The following PAPPA variants were observed in gnomAD, a reference collection of about 807,000 sequenced individuals.
PAPPA encodes pappalysin-1.
In PAPPA, 60 loss-of-function variants were observed where a neutral mutation model predicts 164.0. That is an observed-to-expected ratio of 0.37 (90% CI 0.30 to 0.45). The LOEUF (loss-of-function observed/expected upper bound fraction) is 0.45, where lower values mean the gene tolerates loss of function less well. Ranked by LOEUF, PAPPA falls within the 20% of genes least tolerant of loss-of-function variation. The pLI, the probability that PAPPA is intolerant of heterozygous loss-of-function variation, is 1.00. For missense variants in PAPPA, 1,782 were observed against 2,087.3 expected, an observed-to-expected ratio of 0.85 and a Z score of 2.85; for synonymous variants, 875 against 814.1, an observed-to-expected ratio of 1.07 and a Z score of -1.27.
intron 6 of PAPPA, among the ~76,000 whole-genome samples, chr9:116,228,827 AG>A (rs1844549509): frequency 6.6e-6 from 1 of 152,084 alleles, no homozygotes. Flanking sequence ...CCAGTTTTTT[AG>A]GAAGTTCTCG....
chr9:116,323,116 T>C (rs918840995), intron 10 of PAPPA, among the ~76,000 whole-genome samples: 1 of 152,204 alleles, frequency 6.6e-6, no homozygotes, highest in African/African-American at 2.4e-5. Flanking sequence ...TGCCTTTGTG[T>C]ACATCGTGTG....
chr9:116,360,315 C>T (rs571601645), intron 17 of PAPPA, among the ~76,000 whole-genome samples: 2 of 152,288 alleles, frequency 1.3e-5, no homozygotes, highest in South Asian at 2.1e-4. Flanking sequence ...AAGTTTGCCA[C>T]GAGCCCCTAC....
chr9:116,278,654 G>GA (rs1554747062), intron 9 of PAPPA, among the ~76,000 whole-genome samples: 47 of 148,782 alleles, frequency 3.2e-4, no homozygotes, highest in Non-Finnish European at 5.8e-4. Context: ...TAGCCAAATC[G>GA]TTTTTTTTTT....
At position 116,302,795 on chromosome 9, in the gene PAPPA, G is replaced by T. The variant is rs750168710; in HGVS notation, c.2992G>T (p.Val998Leu). The T allele has an allele frequency of 1.2e-6, 2 of 1,613,924 alleles. No homozygotes were observed. The highest frequency in any genetic ancestry group is 2.2e-5 in the South Asian group (2 of 91,060). Residue 998 changes from valine to leucine, a missense_variant, in exon 10 of 22, where the codon GTA becomes TTA. Physicochemically the swap from Val to Leu is conservative, Grantham distance 32. This residue lies in a region of PAPPA where 1,324 missense variants were observed against 1,656.9 expected (regional missense o/e 0.80). Coordinates refer to ENST00000328252, the MANE Select transcript of PAPPA (RefSeq NM_002581.5). Reference sequence around the variant, plus strand: ...GTGCTATTTCCATGATGGTGATGGGGTATGTGAGGAGTTTGAACAAAAAAC... The same window carrying T: ...GTGCTATTTCCATGATGGTGATGGGTTATGTGAGGAGTTTGAACAAAAAAC... ...SRCYFHDGDG[V>L]CEEFEQKTSI...
chr9:116,227,594 C>G, intron 6 of PAPPA, 42 bp downstream of exon 6: 1 of 1,607,190 alleles, frequency 6.2e-7, no homozygotes, highest in South Asian at 1.1e-5. Context: ...GAGGAGTGTG[C>G]AAAGAACAGC....
At chr9:116,343,959 G>A (rs973564713) in intron 13 of PAPPA, among the ~76,000 whole-genome samples, 6 of 151,814 alleles carry the variant, frequency 4.0e-5, no homozygotes, top group East Asian at 1.9e-4. Context: ...GCAGAGGTGG[G>A]GTTTTACCAT....
chr9:116,298,715 T>C (rs1230952718), intron 9 of PAPPA, among the ~76,000 whole-genome samples: 3 of 152,194 alleles, frequency 2.0e-5, no homozygotes, highest in Admixed American at 6.5e-5. Flanking sequence ...GTATTATGTT[T>C]TCAGGATGTG....
chr9:116,176,413 G>C (rs1843835392), intron 1 of PAPPA, among the ~76,000 whole-genome samples: 1 of 152,228 alleles, frequency 6.6e-6, no homozygotes, highest in Admixed American at 6.5e-5. Flanking sequence ...CCATGGGCCA[G>C]TTAGAAGAGT....
chr9:116,290,132 G>T (rs1457746532), intron 9 of PAPPA, among the ~76,000 whole-genome samples: 2 of 152,092 alleles, frequency 1.3e-5, no homozygotes, highest in Non-Finnish European at 2.9e-5. Flanking sequence ...TTTGAAAATG[G>T]GTAGGAAAAT....
chr9:116,329,822 A>G (rs1485655500), intron 10 of PAPPA, among the ~76,000 whole-genome samples: 1 of 152,106 alleles, frequency 6.6e-6, no homozygotes, highest in Non-Finnish European at 1.5e-5. Flanking sequence ...TTTTTATATC[A>G]TCCTTGTATA....
intron 10 of PAPPA, among the ~76,000 whole-genome samples, chr9:116,330,612 CGT>C (rs1004546404): frequency 6.7e-6 from 1 of 148,446 alleles, no homozygotes; most frequent in African/African-American, 2.5e-5. Context: ...TGTGTGTGTG[CGT>C]GTGTGTGTAG....
chr9:116,281,317 G>A (rs1014541604), intron 9 of PAPPA, among the ~76,000 whole-genome samples: 2 of 152,082 alleles, frequency 1.3e-5, no homozygotes, highest in African/African-American at 4.8e-5. Flanking sequence ...ACAGCGCGAG[G>A]AGTTAGACAA....
At chr9:116,359,226 T>A (rs994787225) in intron 17 of PAPPA, among the ~76,000 whole-genome samples, 1 of 152,208 alleles carries the variant, frequency 6.6e-6, no homozygotes, top group Non-Finnish European at 1.5e-5. Flanking sequence ...AAAAATAATA[T>A]AATTTCTACT....
intron 21 of PAPPA, among the ~76,000 whole-genome samples, chr9:116,396,083 G>A (rs992911241): frequency 6.6e-6 from 1 of 152,170 alleles, no homozygotes; most frequent in Non-Finnish European, 1.5e-5. Flanking sequence ...ATAGGGACCT[G>A]AGGCTCTGAG....
rs1407784765 is a variant in PAPPA at position 116,227,451 on chromosome 9, A to G, written c.2132A>G (p.His711Arg). 3 of 1,613,972 alleles carry G rather than the reference A, an allele frequency of 1.9e-6. No individual in the cohort carries two copies. The highest frequency in any genetic ancestry group is 2.5e-6 in the Non-Finnish European group (3 of 1,179,948). The change falls in exon 6 of 22, where the codon CAT becomes CGT. Residue 711 changes from histidine (H) to arginine (R), a missense_variant. His to Arg is a conservative substitution (Grantham distance 29). Transcript: ENST00000328252. ...CCTAGAGAATTGGGATCAGCATGTC[A>G]TCTTTGCCTGGAAGGGAGAATCCTG... ...FFERELGSAC[H>R]LCLEGRILVQ...
chr9:116,280,357 TCTC>T (rs1371606377), intron 9 of PAPPA, among the ~76,000 whole-genome samples: 1 of 152,056 alleles, frequency 6.6e-6, no homozygotes, highest in Admixed American at 6.5e-5. Flanking sequence ...GTCAAGGAGA[TCTC>T]CTTGAAGATT....
intron 21 of PAPPA, among the ~76,000 whole-genome samples, chr9:116,390,522 T>C (rs1208484067): frequency 1.3e-5 from 2 of 152,134 alleles, no homozygotes; most frequent in East Asian, 3.9e-4. Context: ...CAGGAGGATT[T>C]GAAGCACTGA....
intron 17 of PAPPA, among the ~76,000 whole-genome samples, chr9:116,360,699 C>T (rs1210153885): frequency 6.6e-6 from 1 of 152,108 alleles, no homozygotes; most frequent in African/African-American, 2.4e-5. Flanking sequence ...CCAATTCACC[C>T]CATCTTTTCG....
intron 6 of PAPPA, among the ~76,000 whole-genome samples, chr9:116,228,756 C>T (rs577859431): frequency 6.6e-6 from 1 of 152,156 alleles, no homozygotes; most frequent in Non-Finnish European, 1.5e-5. Context: ...GGGCTCCCCC[C>T]AAGTGCAGGA....
Sources: allele counts gnomAD v4.1 joint callset (sites outside exome capture counted in the v4.1 genomes callset), GRCh38; gene constraint gnomAD v4.1.1; regional missense constraint gnomAD v4.1.1; transcripts MANE v1.5; gene names NCBI Gene and HGNC (gene_info 2026-07-23, HGNC 2026-07-21).